The following NUTF2 variants were observed in gnomAD, a reference collection of about 807,000 sequenced individuals.
NUTF2 encodes the protein placental protein 15.
A neutral mutation model predicts 18.5 loss-of-function variants in NUTF2; 3 were observed. The ratio of observed to expected loss-of-function variants is 0.16; its 90% CI spans 0.07 to 0.42. The LOEUF (loss-of-function observed/expected upper bound fraction) is 0.42. Among genes scored for constraint, NUTF2 ranks in the 10% least tolerant of loss-of-function variants. The pLI is 0.99. For missense variants in NUTF2, 44 were observed against 160.7 expected (o/e 0.27, Z 3.93); for synonymous variants, 51 against 57.9 (o/e 0.88, Z 0.54).
chr16:67,854,482 G>A (rs1371545391), intron 1 of NUTF2, among the ~76,000 whole-genome samples: 2 of 152,240 alleles, frequency 1.3e-5, no homozygotes, highest in Non-Finnish European at 2.9e-5. Context: ...TTGCCTGGGG[G>A]CTTACAGAGG....
chr16:67,863,507 C>T (rs1172309136), intron 1 of NUTF2, among the ~76,000 whole-genome samples: 2 of 152,186 alleles, frequency 1.3e-5, no homozygotes, highest in Admixed American at 6.5e-5. Flanking sequence ...CGAGGTCACA[C>T]GGACTGGAGT....
intron 1 of NUTF2, among the ~76,000 whole-genome samples, chr16:67,855,764 A>G (rs551217776): frequency 5.8e-4 from 88 of 151,726 alleles, no homozygotes; most frequent in Non-Finnish European, 1.0e-3. Flanking sequence ...TAAGGTGTAA[A>G]GCTGCTTTGA....
chr16:67,852,544 G>A (rs1567379174), intron 1 of NUTF2, among the ~76,000 whole-genome samples: 1 of 152,080 alleles, frequency 6.6e-6, no homozygotes, highest in Non-Finnish European at 1.5e-5. Context: ...TTCTAGTAGA[G>A]ATGGGGTTTT....
At chr16:67,868,195 G>T in intron 2 of NUTF2, 145 bp from the exon 3 acceptor site, 1 of 660,462 alleles carries the variant, frequency 1.5e-6, no homozygotes, top group Non-Finnish European at 2.7e-6. Context: ...ATGTTTGGGG[G>T]CTATACTCAG....
chr16:67,855,994 G>T, intron 1 of NUTF2: 1 of 1,242,504 alleles, frequency 8.0e-7, no homozygotes, highest in Non-Finnish European at 1.2e-6. Context: ...CAGCGGCCTT[G>T]GTGACCTTGA....
At chr16:67,866,396 T>G (rs2057972481) in intron 2 of NUTF2, among the ~76,000 whole-genome samples, 1 of 150,074 alleles carries the variant, frequency 6.7e-6, no homozygotes, top group Non-Finnish European at 1.5e-5. Flanking sequence ...AACTTCTGCC[T>G]CCTGGGTTCA....
chr16:67,859,104 G>A (rs969161596), intron 1 of NUTF2, among the ~76,000 whole-genome samples: 1 of 151,922 alleles, frequency 6.6e-6, no homozygotes, highest in South Asian at 2.1e-4. Context: ...CAAAGTGTCC[G>A]AGGGATTACA....
At chr16:67,863,532 CA>C (rs1239719617) in intron 1 of NUTF2, among the ~76,000 whole-genome samples, 1 of 152,134 alleles carries the variant, frequency 6.6e-6, no homozygotes, top group Non-Finnish European at 1.5e-5. Context: ...TAGCACTTAC[CA>C]TGTTGAGCTG....
At chr16:67,848,639 G>A (rs1459146756) in intron 1 of NUTF2, among the ~76,000 whole-genome samples, 1 of 151,974 alleles carries the variant, frequency 6.6e-6, no homozygotes, top group African/African-American at 2.4e-5. Context: ...CTACTTGGGA[G>A]GCTGAGGCAG....
At chr16:67,855,563 T>G (rs939732274) in intron 1 of NUTF2, among the ~76,000 whole-genome samples, 1 of 152,144 alleles carries the variant, frequency 6.6e-6, no homozygotes, top group Admixed American at 6.5e-5. Flanking sequence ...TTTGTCCCAG[T>G]GTCCTCAGTA....
At position 67,852,872 on chromosome 16, in the gene NUTF2, T is replaced by TA. The variant is rs1372287103; in HGVS notation, c.-30+5887_-30+5888insA. The stretch of plus-strand genomic sequence containing the variant: ...TTTTGTATTTTTAGTAGAGATGGGG[T>TA]TTCTCCATGTTGGTCAGGCTGGTCT... On this transcript the variant is annotated intron_variant, in intron 1 of 4. Coordinates refer to ENST00000219169, the MANE Select transcript of NUTF2 (RefSeq NM_005796.3). 3.3e-5 allele frequency among the ~76,000 whole-genome samples: 5 copies of TA among 151,464 alleles called. No individual in the cohort carries two copies. The East Asian group carries it at 7.8e-4, about 24-fold the overall frequency.
chr16:67,847,266 C>T (rs1415367283), intron 1 of NUTF2: 1 of 152,276 alleles, frequency 6.6e-6, no homozygotes, highest in African/African-American at 2.4e-5. Context: ...ATGGCCAGGC[C>T]TTTTTCTCTA....
In NUTF2 at chr16:67,871,593, TA is replaced by T; in HGVS notation, c.*681del. 6.6e-6 allele frequency: 1 copy of T among 152,406 alleles called. No individual in the cohort carries two copies. The highest frequency in any genetic ancestry group is 1.9e-4 in the East Asian group (1 of 5,184). 9.4% of individuals were successfully genotyped at this position (152,406 alleles called of 1,614,324 possible). ...CTGAAGCCTGTGCAGTCAGTTCTGA[TA>T]CCTCCTGTGACTTCTGCTCTGGGTA... On this transcript the variant is annotated 3_prime_UTR_variant, in exon 5 of 5. Transcript: ENST00000219169.
At chr16:67,858,848 G>T (rs1429712334) in intron 1 of NUTF2, among the ~76,000 whole-genome samples, 2 of 151,768 alleles carry the variant, frequency 1.3e-5, no homozygotes, top group African/African-American at 4.8e-5. Context: ...TTCCTGTCTG[G>T]TTGCTGCTGC....
At chr16:67,858,645 G>A (rs1300211208) in intron 1 of NUTF2, among the ~76,000 whole-genome samples, 2 of 152,156 alleles carry the variant, frequency 1.3e-5, no homozygotes, top group Non-Finnish European at 2.9e-5. Context: ...AGAGGAAATT[G>A]CCTGGTGCAA....
chr16:67,864,010 G>A (rs1255988987), intron 1 of NUTF2, among the ~76,000 whole-genome samples: 2 of 152,150 alleles, frequency 1.3e-5, no homozygotes, highest in Admixed American at 6.5e-5. Flanking sequence ...GGGATGACAC[G>A]TTTCCCTTCA....
At chr16:67,869,506 C>T (rs560560927) in intron 4 of NUTF2, among the ~76,000 whole-genome samples, 4 of 151,886 alleles carry the variant, frequency 2.6e-5, no homozygotes, top group South Asian at 4.2e-4. Context: ...AGATTCTGGG[C>T]TGGGCGCGGT....
At chr16:67,852,853 A>T (rs1306056364) in intron 1 of NUTF2, among the ~76,000 whole-genome samples, 3 of 150,706 alleles carry the variant, frequency 2.0e-5, no homozygotes, top group Non-Finnish European at 4.4e-5. Context: ...CTAATTTTGT[A>T]TTTTTAGTAG....
At chr16:67,849,533 G>A (rs1180753002) in intron 1 of NUTF2, among the ~76,000 whole-genome samples, 1 of 151,648 alleles carries the variant, frequency 6.6e-6, no homozygotes, top group African/African-American at 2.4e-5. Context: ...GTAGAGAAGG[G>A]GTTTCACCAT....
Sources: allele counts gnomAD v4.1 joint callset (sites outside exome capture counted in the v4.1 genomes callset), GRCh38; gene constraint gnomAD v4.1.1; transcripts MANE v1.5; gene names NCBI Gene and HGNC (gene_info 2026-07-23, HGNC 2026-07-21).